Variants in FCRL4 observed in about 807,000 individuals in gnomAD.
FCRL4 encodes Fc receptor like 4.
FCRL4 carries 43 observed loss-of-function variants against 64.1 expected under a neutral mutation model. The ratio of observed to expected loss-of-function variants is 0.67; its 90% CI spans 0.53 to 0.87. The LOEUF (loss-of-function observed/expected upper bound fraction) is 0.87, where lower values mean the gene tolerates loss of function less well. Ranked by LOEUF, FCRL4 falls within the 40% of genes least tolerant of loss-of-function variation. FCRL4 has a pLI of 0.00. For synonymous variants in FCRL4, 253 were observed against 239.8 expected, an observed-to-expected ratio of 1.05 and a Z score of -0.51; for missense variants, 656 against 613.5, an observed-to-expected ratio of 1.07 and a Z score of -0.73.
intron 5 of FCRL4, 42 bp from the exon 6 acceptor site, chr1:157,586,497 G>C (rs758387056): frequency 6.4e-7 from 1 of 1,564,684 alleles, no homozygotes; most frequent in South Asian, 1.2e-5. Context: ...GGGTGTGAAG[G>C]AGGGCAGGGC....
rs551145386 is a variant in FCRL4 at position 157,586,537 on chromosome 1, T to G, written c.848-82A>C. 142 of 1,290,212 alleles carry G rather than the reference T, an allele frequency of 1.1e-4. No individual in the cohort carries two copies. In the South Asian group the frequency reaches 1.9e-3, roughly 17 times the overall value. 79.9% of individuals were successfully genotyped at this position (1,290,212 alleles called of 1,614,324 possible). ...TAGCTGGGGTGTTGGGCAGGGTTAC[T>G]TTTTATGTGACTTCAAGATATACTC... On this transcript the variant is annotated intron_variant, in intron 5 of 11. Transcript: ENST00000271532.
chr1:157,588,745 G>A (rs1571142648), intron 3 of FCRL4, among the ~76,000 whole-genome samples: 1 of 152,220 alleles, frequency 6.6e-6, no homozygotes, highest in South Asian at 2.1e-4. Context: ...AGGAGCTGTG[G>A]GAGCTTGATG....
intron 7 of FCRL4, 124 bp downstream of exon 7, chr1:157,581,407 C>CTGGGAGTGGAGACT (rs142834079): frequency 9.6e-6 from 7 of 728,048 alleles, no homozygotes; most frequent in South Asian, 1.7e-5. Flanking sequence ...TGTGTGAACG[C>CTGGGAGTGGAGACT]TGGGAGTGGA....
At chr1:157,583,605 G>T (rs1481464033) in intron 6 of FCRL4, among the ~76,000 whole-genome samples, 1 of 152,168 alleles carries the variant, frequency 6.6e-6, no homozygotes, top group Non-Finnish European at 1.5e-5. Context: ...GTAGCCTTCT[G>T]TAAGCCAGAA....
chr1:157,594,684 C>G (rs1044588539), intron 2 of FCRL4, among the ~76,000 whole-genome samples: 2 of 152,124 alleles, frequency 1.3e-5, no homozygotes, highest in East Asian at 3.8e-4. Context: ...GATTTTCAGG[C>G]AATTACTTTT....
chr1:157,579,704 ATACATACATACATACATACATAC>A (rs1652514940), intron 8 of FCRL4, among the ~76,000 whole-genome samples: 4 of 113,966 alleles, frequency 3.5e-5, no homozygotes, highest in South Asian at 2.8e-4. Context: ...GTGACAATAC[ATACATACATACATACATACATAC>A]ATACATACAT....
intron 6 of FCRL4, among the ~76,000 whole-genome samples, chr1:157,583,738 C>A (rs1429286413): frequency 3.3e-5 from 5 of 152,226 alleles, no homozygotes; most frequent in Non-Finnish European, 7.3e-5. Context: ...TTGGTTATGG[C>A]AGTTCAAGCT....
At chr1:157,597,128 T>A (rs1184105394) in intron 1 of FCRL4, among the ~76,000 whole-genome samples, 1 of 152,188 alleles carries the variant, frequency 6.6e-6, no homozygotes, top group Non-Finnish European at 1.5e-5. Context: ...GAATGTCACC[T>A]CTTGAGGGCA....
intron 2 of FCRL4, among the ~76,000 whole-genome samples, chr1:157,589,719 G>A (rs892758090): frequency 6.6e-6 from 1 of 152,212 alleles, no homozygotes; most frequent in Admixed American, 6.5e-5. Flanking sequence ...GATGATGGGA[G>A]GCTCACAAAC....
In FCRL4 at chr1:157,596,351, G is replaced by T. The variant is rs1420595256; in HGVS notation, c.32-3C>A. 1 of 1,613,962 alleles carries T rather than the reference G, an allele frequency of 6.2e-7. No homozygotes were observed. The highest frequency in any genetic ancestry group is 8.5e-7 in the Non-Finnish European group (1 of 1,179,906). Reference sequence around the variant, plus strand: ...ACCAGATTGTCCACAGACTGGAGCTGAAAGAGAGTAAAGAGCCAGCCATCA... The same window carrying T: ...ACCAGATTGTCCACAGACTGGAGCTTAAAGAGAGTAAAGAGCCAGCCATCA... On this transcript the variant is annotated splice_region_variant and splice_polypyrimidine_tract_variant and intron_variant, in intron 1 of 11. Coordinates refer to ENST00000271532, the MANE Select transcript of FCRL4 (RefSeq NM_031282.3).
chr1:157,575,716 T>C lies in FCRL4; in HGVS notation c.1444A>G (p.Thr482Ala). Residue 482 changes from threonine (T) to alanine (A), a missense_variant, in exon 11 of 12, where the codon ACA becomes GCA. By Grantham distance (58) the Thr-to-Ala change is moderately conservative. Coordinates refer to ENST00000271532, the MANE Select transcript of FCRL4 (RefSeq NM_031282.3). ...AAACTCACCTTATCCTCTAGAAGTG[T>C]CCTGGAGGTATTAGCTGTGGACAGA... ...GEEEEANTSR[T>A]LLEDKDVSVV... 6.2e-7 allele frequency: 1 copy of C among 1,613,850 alleles called. No homozygotes were observed. The highest frequency in any genetic ancestry group is 8.5e-7 in the Non-Finnish European group (1 of 1,179,846).
rs750335845 is a variant in FCRL4, at chr1:157,586,328, T to G, written c.975A>C (p.Arg325=). 2.2e-5 allele frequency: 36 copies of G among 1,613,722 alleles called. No individual in the cohort carries two copies. The highest frequency in any genetic ancestry group is 1.0e-4 in the Admixed American group (6 of 59,996). ...GTGDTTFSWH[R]EDMQESLGRK... ...TCCCCAGACTCTCCTGCATGTCCTC[T>G]CGGTGCCAGGAGAATGTGGTATCCC... The change falls in exon 6 of 12, where the codon CGA becomes CGC. Residue 325 remains arginine (R), a synonymous_variant. Transcript: ENST00000271532.
chr1:157,581,263 T>C (rs1652553104), intron 7 of FCRL4, among the ~76,000 whole-genome samples: 1 of 152,226 alleles, frequency 6.6e-6, no homozygotes, highest in Admixed American at 6.5e-5. Flanking sequence ...GATAAAGTTT[T>C]TGGAACTTTA....
intron 7 of FCRL4, 181 bp from the exon 8 acceptor site, chr1:157,580,529 G>A (rs933664549): frequency 3.2e-6 from 2 of 630,426 alleles, no homozygotes; most frequent in African/African-American, 1.8e-5. Context: ...ACTTTTTGAG[G>A]CCAGGACTGC....
At chr1:157,596,444 G>C in intron 1 of FCRL4, 96 bp from the exon 2 acceptor site, 4 of 1,376,138 alleles carry the variant, frequency 2.9e-6, no homozygotes, top group South Asian at 1.2e-5. Flanking sequence ...TTCCAACCAA[G>C]AGGAAGAGAA....
chr1:157,582,801 C>G (rs1652591068), intron 6 of FCRL4, among the ~76,000 whole-genome samples: 1 of 152,306 alleles, frequency 6.6e-6, no homozygotes, highest in Non-Finnish European at 1.5e-5. Context: ...CCAGCCACAA[C>G]AGCTGAAAGA....
At position 157,578,332 on chromosome 1, in the gene FCRL4, C is replaced by CA. The variant is rs200937490; in HGVS notation, c.1429+141dup. 1,210 of 675,482 alleles carry CA rather than the reference C, an allele frequency of 1.8e-3. 7 individuals carry two copies. The African/African-American group carries it at 0.019, about 11-fold the overall frequency. 41.8% of individuals were successfully genotyped at this position (675,482 alleles called of 1,614,324 possible). ...TTCCCTCCTTAGAATCTAAGCTCTC[C>CA]ACTGCAGGGATTTTTGTCTGCCTTG... On this transcript the variant is annotated intron_variant, in intron 10 of 11. Transcript: ENST00000271532.
chr1:157,575,237 TAAAG>T lies in FCRL4; in HGVS notation c.*283_*286del. On this transcript the variant is annotated 3_prime_UTR_variant, in exon 12 of 12. Transcript: ENST00000271532. ...CTTCTCTCTCTTTATCCCCCTTCTC[TAAAG>T]CAGACCCTAGGGAATACATTAGGTC... 1 of 438,718 alleles carries T rather than the reference TAAAG, an allele frequency of 2.3e-6. No homozygotes were observed. Among genetic ancestry groups the T allele is most frequent in the South Asian group, 2.9e-5 (1 of 34,502 alleles). 27.2% of individuals were successfully genotyped at this position (438,718 alleles called of 1,614,324 possible).
At chr1:157,597,818 A>G (rs1235117561) in intron 1 of FCRL4, 96 bp downstream of exon 1, 2 of 871,118 alleles carry the variant, frequency 2.3e-6, no homozygotes, top group Non-Finnish European at 3.7e-6. Context: ...CTAAAATGGG[A>G]GTAAAAATCC....
Sources: allele counts gnomAD v4.1 joint callset (sites outside exome capture counted in the v4.1 genomes callset), GRCh38; gene constraint gnomAD v4.1.1; transcripts MANE v1.5; gene names NCBI Gene and HGNC (gene_info 2026-07-23, HGNC 2026-07-21).